The following DCHS2 variants were observed in gnomAD, a reference collection of about 807,000 sequenced individuals.
DCHS2 encodes protocadherin-23.
A neutral mutation model predicts 182.4 loss-of-function variants in DCHS2; 142 were observed. That is an observed-to-expected ratio of 0.78 (90% confidence interval 0.68 to 0.89). DCHS2 has a LOEUF of 0.89. Ranked by LOEUF, DCHS2 falls within the 40% of genes least tolerant of loss-of-function variation. DCHS2 has a pLI of 0.00. For synonymous variants in DCHS2, 1,740 were observed against 1,663.3 expected (o/e 1.05, Z -1.12); for missense variants, 4,319 against 4,198.6 (o/e 1.03, Z -0.79).
chr4:154,331,652 C>A, intron 5 of DCHS2: 2 of 1,614,014 alleles, frequency 1.2e-6, no homozygotes, highest in South Asian at 2.2e-5. Context: ...AATGCAAAGT[C>A]TGTCCCACTA....
intron 1 of DCHS2, among the ~76,000 whole-genome samples, chr4:154,411,481 C>T (rs1732632156): frequency 6.6e-6 from 1 of 151,972 alleles, no homozygotes; most frequent in Non-Finnish European, 1.5e-5. Flanking sequence ...CCTGTAGTCC[C>T]AGCTACTCGG....
In DCHS2 at chr4:154,314,700, A is replaced by G. The variant is rs1287560538; in HGVS notation, c.5260+1048T>C. Among the ~76,000 whole-genome samples the G allele has an allele frequency of 2.6e-5, 4 of 152,192 alleles. No individual in the cohort carries two copies. The East Asian group carries it at 5.8e-4, about 22-fold the overall frequency. On this transcript the variant is annotated intron_variant, in intron 10 of 19. Coordinates refer to ENST00000357232, the MANE Select transcript of DCHS2 (RefSeq NM_001358235.2). The stretch of plus-strand genomic sequence containing the variant: ...TAATACTATTTCCATAAAAATATCT[A>G]TTACAATTCTTGCAAAAATATAACA...
chr4:154,240,680 T>G lies in DCHS2; in HGVS notation c.7216A>C (p.Lys2406Gln). The G allele has an allele frequency of 1.9e-6, 3 of 1,613,982 alleles. No homozygotes were observed. The highest frequency in any genetic ancestry group is 2.5e-6 in the Non-Finnish European group (3 of 1,179,926). ...GTCATTTCTTCAAAATCCAATGTTT[T>G]CACCAACACCACCACTCCAGTGTTC... Reference protein sequence around the residue: ...DQNTGVVVLVKTLDFEEMTEY... With the variant: ...DQNTGVVVLVQTLDFEEMTEY... Residue 2406 changes from lysine to glutamine, a missense_variant, in exon 18 of 20, where the codon AAA (lysine) becomes CAA (glutamine). Physicochemically the swap from Lys to Gln is moderately conservative, Grantham distance 53 (BLOSUM62 1). Transcript: ENST00000357232.
At position 154,490,959 on chromosome 4, in the gene DCHS2, G is replaced by T. The variant is rs1270995162; in HGVS notation, c.397C>A (p.Arg133Ser). ...AAGCTGTAGTGGTCCCGCCGCTCGCGGTCCAGGCGCCGCGCAGTGCGGATG... is the reference window on the plus strand; with the variant it reads ...AAGCTGTAGTGGTCCCGCCGCTCGCTGTCCAGGCGCCGCGCAGTGCGGATG... ...GIIRTARRLD[R>S]ERRDHYSFVA... Residue 133 changes from arginine (R) to serine (S), a missense_variant, in exon 1 of 20, where the codon CGC becomes AGC. Physicochemically the swap from Arg to Ser is moderately radical, Grantham distance 110. Transcript: ENST00000357232. 2 of 1,550,330 alleles carry T rather than the reference G, an allele frequency of 1.3e-6. No homozygotes were observed. Among genetic ancestry groups the T allele is most frequent in the African/African-American group, 2.7e-5 (2 of 73,036 alleles).
chr4:154,240,774 A>G lies in DCHS2; in HGVS notation c.7122T>C (p.Asp2374=), dbSNP rs1485741692. 1.2e-6 allele frequency: 2 copies of G among 1,613,794 alleles called. No individual in the cohort carries two copies. The highest frequency in any genetic ancestry group is 1.3e-5 in the African/African-American group (1 of 74,942). The part of the protein sequence containing the change: ...IVTHVSVHDV[D]LNSAFIFSFA... Reference sequence around the variant, plus strand: ...AACTGAATATGAAAGCTGAATTCAAATCCACATCATGAACTGACACATGAG... The same window carrying G: ...AACTGAATATGAAAGCTGAATTCAAGTCCACATCATGAACTGACACATGAG... Residue 2374 remains aspartate, a synonymous_variant, in exon 18 of 20, where the codon GAT becomes GAC. Transcript: ENST00000357232.
intron 1 of DCHS2, among the ~76,000 whole-genome samples, chr4:154,452,954 T>C (rs1244969646): frequency 6.6e-6 from 1 of 152,198 alleles, no homozygotes; most frequent in East Asian, 1.9e-4. Flanking sequence ...TATGAAATGC[T>C]AGATATTCTA....
chr4:154,320,287 T>C (rs1408748365), intron 9 of DCHS2, 92 bp downstream of exon 9: 22 of 1,510,804 alleles, frequency 1.5e-5, no homozygotes, highest in Non-Finnish European at 1.8e-5. Flanking sequence ...CAATGTATTG[T>C]ACACTTAAAA....
Position 154,490,655 on chromosome 4 carries a change from G to A in DCHS2, c.701C>T (p.Pro234Leu). Reference protein sequence around the residue: ...RYRTPGPLPSPLLPGSSSPLE... With the variant: ...RYRTPGPLPSLLLPGSSSPLE... The stretch of plus-strand genomic sequence containing the variant: ...GGGTGACGAGGAGCCTGGCAAAAGC[G>A]GTGACGGTAGTGGCCCCGGAGTCCG... Residue 234 changes from proline (P) to leucine (L), a missense_variant, in exon 1 of 20, where the codon CCG (proline) becomes CTG (leucine). Transcript: ENST00000357232. 3 of 1,551,414 alleles carry A rather than the reference G, an allele frequency of 1.9e-6. No homozygotes were observed. Among genetic ancestry groups the A allele is most frequent in the Non-Finnish European group, 2.6e-6 (3 of 1,146,918 alleles).
At chr4:154,452,850 G>T (rs1734596016) in intron 1 of DCHS2, among the ~76,000 whole-genome samples, 1 of 152,180 alleles carries the variant, frequency 6.6e-6, no homozygotes, top group Non-Finnish European at 1.5e-5. Flanking sequence ...GCAGCTGGAA[G>T]TCCTTTTATT....
At chr4:154,333,925 G>C (rs1171400440) in intron 4 of DCHS2, 1 of 167,604 alleles carries the variant, frequency 6.0e-6, no homozygotes, top group Non-Finnish European at 1.3e-5. Context: ...TCCATCTACA[G>C]AGACTGCTGT....
At chr4:154,404,309 A>C (rs2110878287) in intron 1 of DCHS2, among the ~76,000 whole-genome samples, 1 of 152,300 alleles carries the variant, frequency 6.6e-6, no homozygotes, top group South Asian at 2.1e-4. Context: ...ATTTTCAAAT[A>C]CTTGGGATGT....
rs1560790118 is a variant in DCHS2 at position 154,490,349 on chromosome 4, CGG to C, written c.1005_1006del (p.Ala337ProfsTer8). ...ACCCGCCCCAGGCACTTGCCGGGCGCGGACGCTGTAGCGCACGAAGCCATTGG... is the reference window on the plus strand; with the variant it reads ...ACCCGCCCCAGGCACTTGCCGGGCGCACGCTGTAGCGCACGAAGCCATTGG... On this transcript the variant is annotated frameshift_variant, in exon 1 of 20. Coordinates refer to ENST00000357232, the MANE Select transcript of DCHS2 (RefSeq NM_001358235.2). LOFTEE classifies it high-confidence loss of function. The C allele has an allele frequency of 6.5e-7, 1 of 1,540,196 alleles. No homozygotes were observed. The highest frequency in any genetic ancestry group is 2.5e-5 in the East Asian group (1 of 40,796).
Position 154,243,440 on chromosome 4 carries a change from G to T in DCHS2, c.6942-668C>A, listed in dbSNP as rs111813069. ...CAAACAAACTACAAACCTTGTTACT[G>T]TCTTCAACTTCTCCCTTTCTCTCAC... On this transcript the variant is annotated intron_variant, in intron 16 of 19. Transcript: ENST00000357232. Among the ~76,000 whole-genome samples the T allele has an allele frequency of 3.1e-3, 479 of 152,240 alleles. 2 individuals are homozygous for T. Among genetic ancestry groups the T allele is most frequent in the African/African-American group, 0.011 (440 of 41,558 alleles).
chr4:154,318,030 A>G (rs1050906881), intron 9 of DCHS2, among the ~76,000 whole-genome samples: 1 of 152,146 alleles, frequency 6.6e-6, no homozygotes, highest in African/African-American at 2.4e-5. Flanking sequence ...TCATACTGCT[A>G]CCTGATTCAC....
chr4:154,232,775 C>G lies in DCHS2; in HGVS notation c.*1761G>C, dbSNP rs1334320799. On this transcript the variant is annotated 3_prime_UTR_variant, in exon 20 of 20. Coordinates refer to ENST00000357232, the MANE Select transcript of DCHS2 (RefSeq NM_001358235.2). ...GTCATGAAATCTTCTTCCCCAGATG[C>G]CAGGAAGAAAAGGAGAAACATCATA... 1 of 151,430 alleles carries G rather than the reference C, an allele frequency of 6.6e-6. No individual in the cohort carries two copies. The highest frequency in any genetic ancestry group is 1.5e-5 in the Non-Finnish European group (1 of 67,886). The allele number at this position is 151,430 out of a possible 1,614,324, so 9.4% of individuals were successfully genotyped here.
At chr4:154,430,699 C>T (rs1258513623) in intron 1 of DCHS2, among the ~76,000 whole-genome samples, 1 of 152,138 alleles carries the variant, frequency 6.6e-6, no homozygotes, top group Non-Finnish European at 1.5e-5. Context: ...GTATCCATCC[C>T]CCACTTATCT....
intron 15 of DCHS2, 84 bp from the exon 16 acceptor site, chr4:154,255,754 A>G: frequency 6.9e-7 from 1 of 1,454,500 alleles, no homozygotes; most frequent in South Asian, 1.6e-5. Flanking sequence ...GCATTAAGAA[A>G]GAATCACAGC....
At chr4:154,366,861 C>A (rs745407363) in intron 2 of DCHS2, among the ~76,000 whole-genome samples, 15 of 152,140 alleles carry the variant, frequency 9.9e-5, no homozygotes, top group Non-Finnish European at 1.9e-4. Context: ...AAAAAGAAAT[C>A]AAAATCACTT....
At chr4:154,331,499 T>G in intron 5 of DCHS2, 1 of 1,447,862 alleles carries the variant, frequency 6.9e-7, no homozygotes. Flanking sequence ...GTTTAGGGAG[T>G]GAATGAGAGT....
Sources: gnomAD v4.1 joint callset for allele counts (sites outside exome capture counted in the v4.1 genomes callset) on GRCh38, gnomAD v4.1.1 for gene constraint, MANE v1.5 for transcripts, NCBI Gene and HGNC (gene_info 2026-07-23, HGNC 2026-07-21) for gene names.